The following LMF1 variants were observed in gnomAD, a reference collection of about 807,000 sequenced individuals.
The protein encoded by LMF1 is transmembrane protein 112.
Under a neutral mutation model 60.6 loss-of-function variants are expected in LMF1, and 68 were observed. The observed-to-expected ratio is 1.12, with a 90% CI of 0.92 to 1.37. The LOEUF is 1.37. LMF1 is among the 40% of genes most tolerant of loss of function. The pLI, the probability that LMF1 is intolerant of heterozygous loss-of-function variation, is 0.00. For missense variants in LMF1, 948 were observed against 767.2 expected (o/e 1.24, Z -2.78); for synonymous variants, 418 against 324.7 (o/e 1.29, Z -3.09).
At chr16:945,688 A>G (rs532737677) in intron 2 of LMF1, among the ~76,000 whole-genome samples, 1 of 152,326 alleles carries the variant, frequency 6.6e-6, no homozygotes, top group African/African-American at 2.4e-5. Context: ...TCGGGAATCT[A>G]TTTGGAGAAG....
intron 6 of LMF1, chr16:873,164 G>C (rs997042771): frequency 1.3e-5 from 2 of 152,318 alleles, no homozygotes; most frequent in South Asian, 2.1e-4. Context: ...CTGGTCGGCT[G>C]TTTTGTTATG....
intron 2 of LMF1, among the ~76,000 whole-genome samples, chr16:938,889 C>T (rs4984990): frequency 0.48 from 72,312 of 152,088 alleles, 18,834 homozygotes; most frequent in African/African-American, 0.69. Flanking sequence ...GAGGCCGTTT[C>T]GACAAAGCAC....
chr16:914,722 A>G (rs1351958204), intron 3 of LMF1, among the ~76,000 whole-genome samples: 9 of 1,316 alleles, frequency 6.8e-3, no homozygotes, highest in East Asian at 0.019. Flanking sequence ...ACCATTGGTG[A>G]CACTCTCCCT....
chr16:918,836 A>AACCCGACTCTCATGCGGGGCCGGCG, intron 3 of LMF1, among the ~76,000 whole-genome samples: 1 of 136,244 alleles, frequency 7.3e-6, no homozygotes, highest in Non-Finnish European at 1.7e-5. Flanking sequence ...CGGGGCCGGC[A>AACCCGACTCTCATGCGGGGCCGGCG]TCCCGGGGCG....
intron 9 of LMF1, 183 bp from the exon 10 acceptor site, chr16:869,239 T>G (rs2069704122): frequency 4.5e-6 from 3 of 667,838 alleles, no homozygotes; most frequent in Non-Finnish European, 5.4e-6. Context: ...CGTGTAGCCC[T>G]GACCACTCAT....
At position 962,871 on chromosome 16, in the gene LMF1, C is replaced by T. The variant is rs1402223012; in HGVS notation, c.193+7917G>A. Among the ~76,000 whole-genome samples, 4 of 152,204 alleles carry T rather than the reference C, an allele frequency of 2.6e-5. No individual in the cohort carries two copies. The highest frequency in any genetic ancestry group is 9.7e-5 in the African/African-American group (4 of 41,438). ...GGTTTCTCGAAGACTCTGCACCACTCAGTGCCCGGCATGAAGCGCTGTGAG... is the reference window on the plus strand; with the variant it reads ...GGTTTCTCGAAGACTCTGCACCACTTAGTGCCCGGCATGAAGCGCTGTGAG... On this transcript the variant is annotated intron_variant, in intron 1 of 10. Coordinates refer to ENST00000262301, the MANE Select transcript of LMF1 (RefSeq NM_022773.4). The surrounding 1 kb of genome is among the most constrained non-coding windows in gnomAD (Gnocchi z 4.5).
At chr16:911,997 G>A (rs928381428) in intron 3 of LMF1, among the ~76,000 whole-genome samples, 3 of 152,176 alleles carry the variant, frequency 2.0e-5, no homozygotes, top group Non-Finnish European at 4.4e-5. Flanking sequence ...TGAGGCCACC[G>A]TGAATGTGGC....
chr16:890,682 C>A (rs1442027350), intron 5 of LMF1, among the ~76,000 whole-genome samples: 1 of 152,202 alleles, frequency 6.6e-6, no homozygotes, highest in Non-Finnish European at 1.5e-5. Context: ...GGCACAGGAC[C>A]CCCCCATGTG....
chr16:970,235 C>T (rs1048960755), intron 1 of LMF1, among the ~76,000 whole-genome samples: 1 of 152,254 alleles, frequency 6.6e-6, no homozygotes, highest in Non-Finnish European at 1.5e-5. Context: ...AGGAGGCTCC[C>T]GGGCCGGCTC....
chr16:890,861 C>T (rs939355400), intron 5 of LMF1, among the ~76,000 whole-genome samples: 21 of 152,054 alleles, frequency 1.4e-4, no homozygotes, highest in Non-Finnish European at 2.8e-4. Flanking sequence ...GCCAACCCTC[C>T]GGTGGCAGTG....
At chr16:918,114 G>T (rs1424489223) in intron 3 of LMF1, among the ~76,000 whole-genome samples, 2 of 152,234 alleles carry the variant, frequency 1.3e-5, no homozygotes, top group Non-Finnish European at 2.9e-5. Flanking sequence ...ATCTCTGAAA[G>T]TGCTGGTTAA....
intron 2 of LMF1, among the ~76,000 whole-genome samples, chr16:935,352 C>T (rs1467782100): frequency 1.3e-5 from 2 of 152,144 alleles, no homozygotes; most frequent in Non-Finnish European, 2.9e-5. Context: ...GCCTCCACCT[C>T]CCTAAGTGCT....
rs9939882 is a variant in LMF1, at chr16:897,962, A to C, written c.664-4890T>G. On this transcript the variant is annotated intron_variant, in intron 4 of 10. Coordinates refer to ENST00000262301, the MANE Select transcript of LMF1 (RefSeq NM_022773.4). This position sits in a 1 kb window ranked among gnomAD's most constrained non-coding sequence, Gnocchi z 4.3. ...CACAGCTGCACCAGGAGCTGTGTAC[A>C]TGGCAGGCATCCTCTGCGTGGTGGG... is the stretch of plus-strand genomic sequence containing the variant. Among the ~76,000 whole-genome samples the C allele has an allele frequency of 0.38, 57,903 of 152,202 alleles. 12,389 individuals carry two copies. Among genetic ancestry groups the C allele is most frequent in the African/African-American group, 0.56 (23,347 of 41,522 alleles).
chr16:954,539 G>C lies in LMF1; in HGVS notation c.321C>G (p.Phe107Leu), dbSNP rs1257249441. ...GCCAGAGGATGGTGGGCATGTAGCTGAAGACTTCCCAGCTCGTCCTGTCCT... is the reference window on the plus strand; with the variant it reads ...GCCAGAGGATGGTGGGCATGTAGCTCAAGACTTCCCAGCTCGTCCTGTCCT... ...YFQDRTSWEVFSYMPTILWLM... is the reference protein window; with the variant it reads ...YFQDRTSWEVLSYMPTILWLM... The change falls in exon 2 of 11, where the codon TTC (phenylalanine) becomes TTG (leucine). Residue 107 changes from phenylalanine to leucine, a missense_variant. Transcript: ENST00000262301. The C allele has an allele frequency of 4.3e-6, 7 of 1,613,176 alleles. No individual in the cohort carries two copies. The Admixed American group carries it at 5.0e-5, about 12-fold the overall frequency.
rs994589328 is a variant in LMF1 at position 962,645 on chromosome 16, C to T, written c.194-7979G>A. On this transcript the variant is annotated intron_variant, in intron 1 of 10. Transcript: ENST00000262301. The surrounding 1 kb of genome is among the most constrained non-coding windows in gnomAD (Gnocchi z 4.5). The stretch of plus-strand genomic sequence containing the variant: ...CCCAACGTGAGGGACGCTCTACAGA[C>T]GCCATGACAGGCCTGCTTGACACTG... Among the ~76,000 whole-genome samples the T allele has an allele frequency of 1.3e-5, 2 of 152,184 alleles. No homozygotes were observed. The highest frequency in any genetic ancestry group is 4.8e-5 in the African/African-American group (2 of 41,438).
At chr16:963,307 C>G (rs556367431) in intron 1 of LMF1, among the ~76,000 whole-genome samples, 2 of 152,212 alleles carry the variant, frequency 1.3e-5, no homozygotes, top group South Asian at 2.1e-4. Flanking sequence ...TCAGCCCCGG[C>G]GGCCACACGT....
chr16:885,664 T>C (rs2070286119), intron 5 of LMF1, among the ~76,000 whole-genome samples: 1 of 152,210 alleles, frequency 6.6e-6, no homozygotes, highest in African/African-American at 2.4e-5. Context: ...ACAATGTTCA[T>C]CAGGAGGTCA....
At chr16:894,011 GT>G (rs2070577666) in intron 4 of LMF1, among the ~76,000 whole-genome samples, 1 of 120,088 alleles carries the variant, frequency 8.3e-6, no homozygotes, top group African/African-American at 3.1e-5. Context: ...CCACCCACCC[GT>G]CCCCCTGTCC....
At chr16:947,638 G>C (rs1312251700) in intron 2 of LMF1, 1 of 455,592 alleles carries the variant, frequency 2.2e-6, no homozygotes. Context: ...TTCTGGAGAG[G>C]ATCTTTCCTT....
Sources: allele counts gnomAD v4.1 joint callset (sites outside exome capture counted in the v4.1 genomes callset), GRCh38; gene constraint gnomAD v4.1.1; non-coding constraint Gnocchi (gnomAD v3.1); transcripts MANE v1.5; gene names NCBI Gene and HGNC (gene_info 2026-07-23, HGNC 2026-07-21).